The following GPAT4 variants were observed in gnomAD, a reference collection of about 807,000 sequenced individuals.
GPAT4 encodes the protein glycerol-3-phosphate acyltransferase 4.
GPAT4 carries 17 observed loss-of-function variants against 58.0 expected under a neutral mutation model. The ratio of observed to expected loss-of-function variants is 0.29; its 90% CI spans 0.20 to 0.44. The LOEUF is 0.44. Ranked by LOEUF, GPAT4 falls within the 20% of genes least tolerant of loss-of-function variation. The pLI is 1.00. For missense variants in GPAT4, 377 were observed against 574.5 expected (o/e 0.66, Z 3.51); for synonymous variants, 204 against 210.1 (o/e 0.97, Z 0.25).
Position 41,609,737 on chromosome 8 carries a change from C to T in GPAT4, c.318C>T (p.Asn106=). 3.1e-6 allele frequency: 5 copies of T among 1,614,066 alleles called. No individual in the cohort carries two copies. Among genetic ancestry groups the T allele is most frequent in the Non-Finnish European group, 4.2e-6 (5 of 1,179,994 alleles). ...RRSGSSKALD[N]TPEFELSDIF... ...GTGGTAGTAGTAAGGCTCTGGACAA[C>T]ACTCCAGAGTTCGAGCTCTCTGACA... is the stretch of plus-strand genomic sequence containing the variant. The change falls in exon 4 of 13, where the codon AAC becomes AAT. Residue 106 remains asparagine, a synonymous_variant. Coordinates refer to ENST00000396987, the MANE Select transcript of GPAT4 (RefSeq NM_178819.4).
At chr8:41,614,895 TA>T (rs1299958504) in intron 9 of GPAT4, 67 bp from the exon 10 acceptor site, 2 of 1,345,032 alleles carry the variant, frequency 1.5e-6, no homozygotes, top group Admixed American at 3.6e-5. Context: ...ACTTAGTCTT[TA>T]AGAAACGCCT....
intron 10 of GPAT4, among the ~76,000 whole-genome samples, chr8:41,615,881 C>T (rs1431177831): frequency 1.3e-5 from 2 of 152,222 alleles, no homozygotes; most frequent in African/African-American, 4.8e-5. Flanking sequence ...TTTCACCTTG[C>T]CAGTGCCACT....
chr8:41,592,718 T>G (rs980535466), intron 1 of GPAT4, among the ~76,000 whole-genome samples: 1 of 152,176 alleles, frequency 6.6e-6, no homozygotes, highest in Non-Finnish European at 1.5e-5. Flanking sequence ...ACTAGCGCAT[T>G]TAGTTCATCA....
At chr8:41,594,062 T>C (rs1802859142) in intron 1 of GPAT4, among the ~76,000 whole-genome samples, 1 of 152,250 alleles carries the variant, frequency 6.6e-6, no homozygotes, top group South Asian at 2.1e-4. Flanking sequence ...TGTAGACATA[T>C]TTATTCAATT....
In GPAT4 at chr8:41,614,838, C is replaced by T. The variant is rs1025175570; in HGVS notation, c.968-125C>T. 1.2e-5 allele frequency: 9 copies of T among 752,226 alleles called. No individual in the cohort carries two copies. In the South Asian group the frequency reaches 1.3e-4, roughly 11 times the overall value. The allele number at this position is 752,226 out of a possible 1,614,324, so 46.6% of individuals were successfully genotyped here. A position where few individuals can be genotyped will look rare whatever the true frequency, so the allele number is the denominator to read the frequency against. ...GTTTGTTTTTAAGTTAGGGAGATGA[C>T]AGATGTATCTTACTGGAGGAACCAT... is the stretch of plus-strand genomic sequence containing the variant. On this transcript the variant is annotated intron_variant, in intron 9 of 12. Transcript: ENST00000396987.
intron 10 of GPAT4, among the ~76,000 whole-genome samples, chr8:41,616,667 A>G (rs1161261996): frequency 6.6e-6 from 1 of 152,148 alleles, no homozygotes; most frequent in Admixed American, 6.5e-5. Flanking sequence ...TGGCGGCCAC[A>G]GTTCTGAAGC....
rs1273350843 is a variant in GPAT4, at chr8:41,613,385, T to TA, written c.911+435dup. On this transcript the variant is annotated intron_variant, in intron 8 of 12. Coordinates refer to ENST00000396987, the MANE Select transcript of GPAT4 (RefSeq NM_178819.4). Reference sequence around the variant, plus strand: ...TGGGCGATAGAATGAGACTCTGTCTTAAAAAAAAAAGTATAGAAACCCTAG... The same window carrying TA: ...TGGGCGATAGAATGAGACTCTGTCTTAAAAAAAAAAAGTATAGAAACCCTAG... 3.9e-3 allele frequency among the ~76,000 whole-genome samples: 584 copies of TA among 148,378 alleles called. 6 individuals carry two copies. Among genetic ancestry groups the TA allele is most frequent in the Non-Finnish European group, 6.6e-3 (441 of 66,704 alleles).
At chr8:41,608,441 T>C (rs1279361834) in intron 2 of GPAT4, among the ~76,000 whole-genome samples, 1 of 152,256 alleles carries the variant, frequency 6.6e-6, no homozygotes, top group Non-Finnish European at 1.5e-5. Context: ...CATAGCTTTC[T>C]CTCTAGTGAT....
At chr8:41,598,136 C>G (rs530151658) in intron 1 of GPAT4, among the ~76,000 whole-genome samples, 156 bp from the exon 2 acceptor site, 112 of 152,290 alleles carry the variant, frequency 7.4e-4, no homozygotes, top group African/African-American at 2.6e-3. Flanking sequence ...CCTGTTGGGT[C>G]TGCCTGGTCT....
chr8:41,595,164 T>TG (rs1314086738), intron 1 of GPAT4, among the ~76,000 whole-genome samples: 1 of 150,750 alleles, frequency 6.6e-6, no homozygotes, highest in African/African-American at 2.4e-5. Flanking sequence ...TAGTTTTTTT[T>TG]TTTTTTTTTT....
At chr8:41,590,410 GT>G (rs1802760224) in intron 1 of GPAT4, among the ~76,000 whole-genome samples, 1 of 152,206 alleles carries the variant, frequency 6.6e-6, no homozygotes, top group Non-Finnish European at 1.5e-5. Context: ...AAAGCATGTA[GT>G]TTGGGAGACA....
chr8:41,589,304 G>C (rs1393064318), intron 1 of GPAT4, among the ~76,000 whole-genome samples: 1 of 141,200 alleles, frequency 7.1e-6, no homozygotes, highest in Non-Finnish European at 1.5e-5. Flanking sequence ...GGCCAGTTTG[G>C]TGTTCTCTGT....
chr8:41,584,475 C>T (rs1000472874), intron 1 of GPAT4, among the ~76,000 whole-genome samples: 1 of 152,118 alleles, frequency 6.6e-6, no homozygotes, highest in Non-Finnish European at 1.5e-5. Context: ...TACAGCTCAG[C>T]AATCAAGAGG....
chr8:41,599,063 G>A lies in GPAT4; in HGVS notation c.-77G>A. On this transcript the variant is annotated 5_prime_UTR_variant, in exon 2 of 13. Coordinates refer to ENST00000396987, the MANE Select transcript of GPAT4 (RefSeq NM_178819.4). ...AACTTGCTTCCTTTCCCTGGCTGGT[G>A]CTGTCAGGAAGGACCATCTGAAGGC... is the stretch of plus-strand genomic sequence containing the variant. 1.3e-6 allele frequency: 2 copies of A among 1,523,226 alleles called. No homozygotes were observed. The highest frequency in any genetic ancestry group is 1.8e-6 in the Non-Finnish European group (2 of 1,136,966). The allele number at this position is 1,523,226 out of a possible 1,614,324, so 94.4% of individuals were successfully genotyped here.
At chr8:41,593,471 T>A (rs528513213) in intron 1 of GPAT4, among the ~76,000 whole-genome samples, 20 of 152,322 alleles carry the variant, frequency 1.3e-4, no homozygotes, top group African/African-American at 4.8e-4. Context: ...AAGTCCAAAA[T>A]TTAAGGAAAA....
Position 41,624,345 on chromosome 8 carries a change from T to C in GPAT4, c.*3344T>C, listed in dbSNP as rs962013446. On this transcript the variant is annotated 3_prime_UTR_variant, in exon 13 of 13. Transcript: ENST00000396987. Reference sequence around the variant, plus strand: ...CATTTTTGGGTGCCATCGTGTGACCTTCACGGCACAGCAAACAGTGGGCAC... The same window carrying C: ...CATTTTTGGGTGCCATCGTGTGACCCTCACGGCACAGCAAACAGTGGGCAC... 1.3e-5 allele frequency: 2 copies of C among 152,208 alleles called. No individual in the cohort carries two copies. The highest frequency in any genetic ancestry group is 6.5e-5 in the Admixed American group (1 of 15,286). 9.4% of individuals were successfully genotyped at this position (152,208 alleles called of 1,614,324 possible). A position where few individuals can be genotyped will look rare whatever the true frequency, so the allele number is the denominator to read the frequency against.
At chr8:41,591,544 T>TA (rs147910331) in intron 1 of GPAT4, among the ~76,000 whole-genome samples, 2 of 152,374 alleles carry the variant, frequency 1.3e-5, no homozygotes, top group African/African-American at 4.8e-5. Flanking sequence ...ATAGTACACT[T>TA]ATGCTGAAGC....
At chr8:41,602,756 T>G (rs13267399) in intron 2 of GPAT4, among the ~76,000 whole-genome samples, 12,934 of 152,150 alleles carry the variant, frequency 0.085, 616 homozygotes, top group Middle Eastern at 0.17. Flanking sequence ...CTACCATGGG[T>G]TGGGTGGCTT....
chr8:41,580,387 C>G (rs545221636), intron 1 of GPAT4, among the ~76,000 whole-genome samples: 3 of 152,288 alleles, frequency 2.0e-5, no homozygotes, highest in East Asian at 1.9e-4. Context: ...TCTCAGAAAG[C>G]CTTTCATGCC....
Sources: allele counts gnomAD v4.1 joint callset (sites outside exome capture counted in the v4.1 genomes callset), GRCh38; gene constraint gnomAD v4.1.1; transcripts MANE v1.5; gene names NCBI Gene and HGNC (gene_info 2026-07-23, HGNC 2026-07-21).